DISC1: variants seen among roughly 807,000 people sequenced by gnomAD.
The protein encoded by DISC1 is DISC1 scaffold protein, also known as disrupted in schizophrenia 1 protein.
Under a neutral mutation model 84.5 loss-of-function variants are expected in DISC1, and 57 were observed. That is an observed-to-expected ratio of 0.67 (90% confidence interval 0.55 to 0.84). The LOEUF (loss-of-function observed/expected upper bound fraction) is 0.84. Among genes scored for constraint, DISC1 ranks in the 40% least tolerant of loss-of-function variants. DISC1 has a pLI of 0.00. For missense variants in DISC1, 1,000 were observed against 1,057.8 expected (o/e 0.95, Z 0.76); for synonymous variants, 411 against 415.2 (o/e 0.99, Z 0.12).
At position 231,824,909 on chromosome 1, in the gene DISC1, T is replaced by TCCAC. The variant is rs1324771582; in HGVS notation, c.1981+6396_1981+6399dup. Among the ~76,000 whole-genome samples the TCCAC allele has an allele frequency of 7.2e-5, 10 of 138,162 alleles. No homozygotes were observed. The South Asian group carries it at 1.5e-3, about 21-fold the overall frequency. 90.6% of individuals were successfully genotyped at this position (138,162 alleles called of 152,430 possible). A position where few individuals can be genotyped will look rare whatever the true frequency, so the allele number is the denominator to read the frequency against. ...ATCCATCCATCCATCCATCCATCCATCCACCCATCCATCCATCCTTTCCAC... is the reference window on the plus strand; with the variant it reads ...ATCCATCCATCCATCCATCCATCCATCCACCCACCCATCCATCCATCCTTTCCAC... On this transcript the variant is annotated intron_variant, in intron 9 of 12. Coordinates refer to ENST00000439617, the MANE Select transcript of DISC1 (RefSeq NM_018662.3).
intron 4 of DISC1, among the ~76,000 whole-genome samples, chr1:231,751,681 A>G (rs1211750621): frequency 1.3e-5 from 2 of 152,172 alleles, no homozygotes. Flanking sequence ...CATTTCTCTG[A>G]ATTTGACTAC....
intron 6 of DISC1, among the ~76,000 whole-genome samples, chr1:231,793,452 T>C (rs2078505502): frequency 6.6e-6 from 1 of 152,196 alleles, no homozygotes; most frequent in African/African-American, 2.4e-5. Context: ...AGTGAGTTCA[T>C]GAATGCATGA....
chr1:231,933,008 C>T (rs2090763403), intron 9 of DISC1, among the ~76,000 whole-genome samples: 1 of 152,104 alleles, frequency 6.6e-6, no homozygotes. Context: ...GCTAATGGCC[C>T]TATACCACCC....
intron 10 of DISC1, among the ~76,000 whole-genome samples, chr1:231,991,657 TA>T (rs1202183709): frequency 2.6e-5 from 4 of 152,170 alleles, no homozygotes; most frequent in African/African-American, 9.6e-5. Flanking sequence ...TTGGCAGAAT[TA>T]CAAAAGGAAA....
At chr1:231,920,933 G>A (rs1302763915) in intron 9 of DISC1, among the ~76,000 whole-genome samples, 5 of 137,954 alleles carry the variant, frequency 3.6e-5, no homozygotes, top group Admixed American at 3.1e-4. Flanking sequence ...TTGAGATGGA[G>A]TCTTACTCTG....
intron 9 of DISC1, among the ~76,000 whole-genome samples, chr1:231,834,200 G>A (rs561790425): frequency 1.4e-4 from 22 of 152,288 alleles, no homozygotes; most frequent in African/African-American, 4.3e-4. Flanking sequence ...AAGCCAGACC[G>A]GGTGTAAGGA....
chr1:231,757,212 CTA>C (rs1241216144), intron 4 of DISC1, among the ~76,000 whole-genome samples: 1 of 152,140 alleles, frequency 6.6e-6, no homozygotes, highest in East Asian at 1.9e-4. Flanking sequence ...CTGATGAAAG[CTA>C]TGGACTTCCT....
chr1:231,645,362 G>C (rs2060034482), intron 1 of DISC1, among the ~76,000 whole-genome samples: 1 of 152,138 alleles, frequency 6.6e-6, no homozygotes, highest in African/African-American at 2.4e-5. Flanking sequence ...CCTTGTACAA[G>C]TCAAACCAGG....
intron 1 of DISC1, among the ~76,000 whole-genome samples, chr1:231,683,600 C>A (rs535719849): frequency 6.6e-6 from 1 of 150,914 alleles, no homozygotes; most frequent in Non-Finnish European, 1.5e-5. Flanking sequence ...GTGAACACCC[C>A]CTCTGTGACC....
At chr1:231,993,878 G>A (rs1334724307) in intron 10 of DISC1, among the ~76,000 whole-genome samples, 1 of 152,210 alleles carries the variant, frequency 6.6e-6, no homozygotes, top group Non-Finnish European at 1.5e-5. Flanking sequence ...TGCTGGTGGT[G>A]TTCTCTTTCT....
At chr1:231,965,638 C>T (rs1004247490) in intron 10 of DISC1, among the ~76,000 whole-genome samples, 1 of 152,250 alleles carries the variant, frequency 6.6e-6, no homozygotes, top group Non-Finnish European at 1.5e-5. Flanking sequence ...GCCCCTTGGG[C>T]TCTTCATGAG....
chr1:231,918,157 C>T (rs923985418), intron 9 of DISC1, among the ~76,000 whole-genome samples: 1 of 152,222 alleles, frequency 6.6e-6, no homozygotes, highest in African/African-American at 2.4e-5. Context: ...GTTGTGCCGG[C>T]TCTTCGTCAT....
intron 3 of DISC1, among the ~76,000 whole-genome samples, chr1:231,731,552 G>A (rs764490830): frequency 1.3e-5 from 2 of 152,000 alleles, no homozygotes; most frequent in African/African-American, 2.4e-5. Context: ...TCCTCAATTA[G>A]GCCTGGTGTC....
At chr1:232,034,470 G>C (rs1670338634) in intron 12 of DISC1, among the ~76,000 whole-genome samples, 1 of 152,224 alleles carries the variant, frequency 6.6e-6, no homozygotes, top group Non-Finnish European at 1.5e-5. Context: ...ATTGTTGTAT[G>C]AGCGGCTGAT....
chr1:231,711,357 C>CTTT (rs57262026), intron 3 of DISC1, among the ~76,000 whole-genome samples: 75 of 111,258 alleles, frequency 6.7e-4, no homozygotes, highest in African/African-American at 9.0e-4. Context: ...GGACATATTT[C>CTTT]TTTTTTTTTT....
intron 2 of DISC1, among the ~76,000 whole-genome samples, chr1:231,701,081 G>A (rs759515956): frequency 2.0e-5 from 3 of 152,102 alleles, no homozygotes; most frequent in Non-Finnish European, 4.4e-5. Flanking sequence ...GAGGTTTAAC[G>A]GACTCACAGT....
chr1:231,932,725 T>C (rs2090741224), intron 9 of DISC1, among the ~76,000 whole-genome samples: 1 of 152,194 alleles, frequency 6.6e-6, no homozygotes, highest in South Asian at 2.1e-4. Flanking sequence ...CAGGAGCCAA[T>C]CATTTATGTC....
At chr1:231,868,722 ATATATATATATATT>A (rs1177386905) in intron 9 of DISC1, among the ~76,000 whole-genome samples, 11 of 62,926 alleles carry the variant, frequency 1.7e-4, no homozygotes, top group Non-Finnish European at 2.7e-4. Context: ...ATATATATAT[ATATATATATATATT>A]TAGCTGGGCA....
At chr1:232,011,836 C>T (rs1481435427) in intron 11 of DISC1, among the ~76,000 whole-genome samples, 1 of 152,136 alleles carries the variant, frequency 6.6e-6, no homozygotes, top group Non-Finnish European at 1.5e-5. Flanking sequence ...ATGTTTGAGT[C>T]AGTGCTTTTG....
Sources: gnomAD v4.1 joint callset for allele counts (sites outside exome capture counted in the v4.1 genomes callset) on GRCh38, gnomAD v4.1.1 for gene constraint, MANE v1.5 for transcripts, NCBI Gene and HGNC (gene_info 2026-07-23, HGNC 2026-07-21) for gene names.